The following CFAP299 variants were observed in gnomAD, a reference collection of about 807,000 sequenced individuals.
CFAP299 encodes cilia and flagella associated protein 299, also known as cilia- and flagella-associated protein 299.
A neutral mutation model predicts 27.0 loss-of-function variants in CFAP299; 21 were observed. That is an observed-to-expected ratio of 0.78 (90% confidence interval 0.55 to 1.12). CFAP299 has a LOEUF of 1.12. Ranked by LOEUF, CFAP299 falls within the 50% of genes most tolerant of loss-of-function variation. The probability of loss-of-function intolerance (pLI) is 0.00; values close to 1 mark genes in which losing one functional copy is unlikely to be tolerated. For synonymous variants in CFAP299, 104 were observed against 98.1 expected, an observed-to-expected ratio of 1.06 and a Z score of -0.36; for missense variants, 310 against 276.6, an observed-to-expected ratio of 1.12 and a Z score of -0.86.
chr4:80,491,216 CATT>C (rs576635182), intron 2 of CFAP299, among the ~76,000 whole-genome samples: 257 of 152,026 alleles, frequency 1.7e-3, no homozygotes, highest in African/African-American at 6.0e-3. Context: ...ACTTTTAAAA[CATT>C]ATAAGGATAG....
At chr4:80,544,834 G>A (rs1578577783) in intron 2 of CFAP299, among the ~76,000 whole-genome samples, 1 of 152,172 alleles carries the variant, frequency 6.6e-6, no homozygotes, top group African/African-American at 2.4e-5. Context: ...AGATATTCTG[G>A]ACTTAAACTC....
chr4:80,329,583 A>G, the CFAP299 span, among the ~76,000 whole-genome samples: 2 of 152,206 alleles, frequency 1.3e-5, no homozygotes, highest in East Asian at 1.9e-4. Context: ...ATCTGTAGCC[A>G]AAGAATATTT....
At chr4:80,915,518 T>G (rs2110206899) in intron 4 of CFAP299, among the ~76,000 whole-genome samples, 1 of 152,198 alleles carries the variant, frequency 6.6e-6, no homozygotes, top group South Asian at 2.1e-4. Flanking sequence ...TTATTGAGCT[T>G]CTAACAGCTG....
intron 3 of CFAP299, among the ~76,000 whole-genome samples, chr4:80,601,176 C>T (rs1474596300): frequency 6.6e-6 from 1 of 152,092 alleles, no homozygotes; most frequent in Non-Finnish European, 1.5e-5. Flanking sequence ...GAGGTGATAA[C>T]TTATTATACA....
At chr4:80,544,596 C>T (rs1223168129) in intron 2 of CFAP299, among the ~76,000 whole-genome samples, 2 of 152,070 alleles carry the variant, frequency 1.3e-5, no homozygotes, top group Non-Finnish European at 2.9e-5. Context: ...AGAATTTAAA[C>T]CAACAATGAT....
At chr4:80,571,783 G>A (rs1735591453) in intron 2 of CFAP299, among the ~76,000 whole-genome samples, 1 of 152,064 alleles carries the variant, frequency 6.6e-6, no homozygotes, top group Non-Finnish European at 1.5e-5. Flanking sequence ...ATACAGTAGG[G>A]TAGCAATCTG....
intron 3 of CFAP299, among the ~76,000 whole-genome samples, chr4:80,629,880 A>C (rs867889162): frequency 7.5e-5 from 6 of 80,092 alleles, no homozygotes; most frequent in Admixed American, 1.6e-4. Flanking sequence ...GGAAAAAAAA[A>C]AAAACAAAAA....
At chr4:80,711,252 C>G (rs1722151599) in intron 3 of CFAP299, among the ~76,000 whole-genome samples, 1 of 152,166 alleles carries the variant, frequency 6.6e-6, no homozygotes, top group Admixed American at 6.5e-5. Context: ...TGTGTGGGAG[C>G]TGCTGGACTA....
intron 4 of CFAP299, chr4:80,870,812 A>G: frequency 6.1e-6 from 6 of 985,138 alleles, no homozygotes; most frequent in Non-Finnish European, 7.2e-6. Context: ...TCATTATTTG[A>G]TGATTATAAC....
intron 1 of CFAP299, among the ~76,000 whole-genome samples, chr4:80,360,148 A>C (rs562405567): frequency 6.6e-6 from 1 of 152,188 alleles, no homozygotes; most frequent in Non-Finnish European, 1.5e-5. Context: ...GGGGACTTGT[A>C]TTGGCCCCTG....
At chr4:80,736,175 G>C (rs546958365) in intron 3 of CFAP299, among the ~76,000 whole-genome samples, 2 of 152,230 alleles carry the variant, frequency 1.3e-5, no homozygotes, top group South Asian at 4.1e-4. Flanking sequence ...GTCCTGAATG[G>C]TAATGCCTAG....
intron 2 of CFAP299, among the ~76,000 whole-genome samples, chr4:80,536,879 A>C (rs1363542345): frequency 1.3e-5 from 2 of 152,130 alleles, no homozygotes; most frequent in East Asian, 1.9e-4. Context: ...CAGCTTCAGC[A>C]CAGCAAAGAA....
intron 2 of CFAP299, chr4:80,388,045 G>C (rs1725115466): frequency 1.4e-6 from 1 of 691,628 alleles, no homozygotes; most frequent in Non-Finnish European, 2.6e-6. Flanking sequence ...CCAGTGCCTG[G>C]ATCTCCACCA....
intron 3 of CFAP299, among the ~76,000 whole-genome samples, chr4:80,855,044 C>G (rs895197008): frequency 4.6e-5 from 7 of 151,456 alleles, no homozygotes; most frequent in Admixed American, 3.3e-4. Flanking sequence ...TCCAAAGAGC[C>G]GAAAGGATTA....
At chr4:80,672,955 A>C (rs1196922722) in intron 3 of CFAP299, among the ~76,000 whole-genome samples, 1 of 151,122 alleles carries the variant, frequency 6.6e-6, no homozygotes, top group African/African-American at 2.4e-5. Context: ...AAAAAAAAAA[A>C]ACAGCTCCTG....
chr4:80,878,071 A>C (rs1420604042), intron 4 of CFAP299, among the ~76,000 whole-genome samples: 1 of 152,124 alleles, frequency 6.6e-6, no homozygotes, highest in Non-Finnish European at 1.5e-5. Context: ...TGTTTAGCTC[A>C]TATTTAAATT....
intron 2 of CFAP299, among the ~76,000 whole-genome samples, chr4:80,491,360 A>C (rs2110138926): frequency 6.6e-6 from 1 of 152,282 alleles, no homozygotes; most frequent in South Asian, 2.1e-4. Flanking sequence ...CATTTCAGCA[A>C]TAGTGTTTTT....
chr4:80,392,551 CT>C (rs1292459773), intron 2 of CFAP299, among the ~76,000 whole-genome samples: 1 of 152,054 alleles, frequency 6.6e-6, no homozygotes, highest in Non-Finnish European at 1.5e-5. Context: ...TATTAATGGG[CT>C]TTTCCCTGCC....
chr4:80,350,913 A>G (rs1722982963), intron 1 of CFAP299, among the ~76,000 whole-genome samples: 2 of 152,320 alleles, frequency 1.3e-5, no homozygotes, highest in South Asian at 4.1e-4. Context: ...ACAAAGCTGC[A>G]CTTTCTGCAC....
Sources: allele counts gnomAD v4.1 joint callset (sites outside exome capture counted in the v4.1 genomes callset), GRCh38; gene constraint gnomAD v4.1.1; transcripts MANE v1.5; gene names NCBI Gene and HGNC (gene_info 2026-07-23, HGNC 2026-07-21).